The following GNB1L variants were observed in gnomAD, a reference collection of about 807,000 sequenced individuals.
GNB1L encodes the protein G protein subunit beta 1 like.
In GNB1L, 20 loss-of-function variants were observed where a neutral mutation model predicts 29.1. That is an observed-to-expected ratio of 0.69 (90% CI 0.48 to 1.00). The LOEUF is 1.00. GNB1L is among the 50% of genes least tolerant of loss of function. The pLI is 0.00. For missense variants in GNB1L, 421 were observed against 464.9 expected, an observed-to-expected ratio of 0.91 and a Z score of 0.87; for synonymous variants, 193 against 206.5, an observed-to-expected ratio of 0.93 and a Z score of 0.56.
chr22:19,851,518 A>C (rs1369074283), intron 2 of GNB1L: 1 of 1,614,096 alleles, frequency 6.2e-7, no homozygotes, highest in African/African-American at 1.3e-5. Flanking sequence ...TTCTAGATAC[A>C]GAGTTGGACC....
At chr22:19,832,856 C>T (rs1937702945) in intron 2 of GNB1L, among the ~76,000 whole-genome samples, 1 of 152,168 alleles carries the variant, frequency 6.6e-6, no homozygotes, top group Admixed American at 6.5e-5. Context: ...CAGGGCAGAC[C>T]CAAAGCAGCA....
intron 4 of GNB1L, among the ~76,000 whole-genome samples, chr22:19,812,661 A>C (rs1937510900): frequency 6.6e-6 from 1 of 152,196 alleles, no homozygotes; most frequent in African/African-American, 2.4e-5. Context: ...CAGGACATGC[A>C]GTGGATCAAG....
chr22:19,797,208 G>A (rs2269725), intron 7 of GNB1L, among the ~76,000 whole-genome samples: 17,396 of 152,096 alleles, frequency 0.11, 1,572 homozygotes, highest in East Asian at 0.45. Context: ...AAGAGGGAAC[G>A]CTCCCCACCA....
intron 2 of GNB1L, among the ~76,000 whole-genome samples, chr22:19,827,361 T>A (rs1051253279): frequency 6.6e-6 from 1 of 152,150 alleles, no homozygotes; most frequent in Non-Finnish European, 1.5e-5. Context: ...TGACCACAGG[T>A]GAAGGTGTAC....
intron 2 of GNB1L, chr22:19,850,214 G>C: frequency 4.1e-6 from 4 of 985,742 alleles, no homozygotes; most frequent in Non-Finnish European, 4.8e-6. Context: ...CTTGCTGGTA[G>C]GCAGCCACTG....
intron 2 of GNB1L, chr22:19,850,112 C>A: frequency 1.0e-6 from 1 of 985,460 alleles, no homozygotes; most frequent in Non-Finnish European, 1.2e-6. Flanking sequence ...GACCCTTGGA[C>A]CCTCAAAGCC....
chr22:19,809,448 C>T (rs1197132066), intron 5 of GNB1L, among the ~76,000 whole-genome samples: 1 of 152,234 alleles, frequency 6.6e-6, no homozygotes, highest in Non-Finnish European at 1.5e-5. Flanking sequence ...TGATCCAATT[C>T]TTCCAGTACA....
At chr22:19,848,878 A>T (rs1938027572) in intron 2 of GNB1L, 1 of 985,364 alleles carries the variant, frequency 1.0e-6, no homozygotes, top group Admixed American at 6.1e-5. Context: ...CCTGTCCAGA[A>T]GCCTGTGGGA....
At position 19,806,692 on chromosome 22, in the gene GNB1L, C is replaced by T. The variant is rs761226341; in HGVS notation, c.483G>A (p.Lys161=). 1.2e-6 allele frequency: 2 copies of T among 1,613,458 alleles called. No homozygotes were observed. The highest frequency in any genetic ancestry group is 1.7e-6 in the Non-Finnish European group (2 of 1,179,800). Reference sequence around the variant, plus strand: ...GCCGCAGGCACATGGGCATGCCCAGCTTGGCATCTGCCTTCGGCTTCAGGG... The same window carrying T: ...GCCGCAGGCACATGGGCATGCCCAGTTTGGCATCTGCCTTCGGCTTCAGGG... The part of the protein sequence containing the change: ...VCALKPKADA[K]LGMPMCLRLW... The change falls in exon 6 of 8, where the codon AAG becomes AAA. Residue 161 remains lysine, a synonymous_variant. Transcript: ENST00000329517.
intron 2 of GNB1L, among the ~76,000 whole-genome samples, chr22:19,845,548 C>T (rs1937942381): frequency 6.6e-6 from 1 of 152,256 alleles, no homozygotes; most frequent in African/African-American, 2.4e-5. Flanking sequence ...GAGCACCCAT[C>T]ATCCACAGGC....
Position 19,801,982 on chromosome 22 carries a change from C to A in GNB1L, c.732+19G>T. The A allele has an allele frequency of 6.4e-7, 1 of 1,550,616 alleles. No homozygotes were observed. The highest frequency in any genetic ancestry group is 2.4e-5 in the East Asian group (1 of 41,618). ...AGTGCAGAGCAGGATAAATGAGACC[C>A]GGGGCCTGGCGCACTGACCTGCAGG... On this transcript the variant is annotated intron_variant, in intron 7 of 7. Coordinates refer to ENST00000329517, the MANE Select transcript of GNB1L (RefSeq NM_053004.3).
chr22:19,848,786 A>G (rs971993185), intron 2 of GNB1L: 2 of 985,470 alleles, frequency 2.0e-6, no homozygotes, highest in South Asian at 9.4e-5. Flanking sequence ...AAGCCCCAAT[A>G]GGACAGGGTT....
Position 19,783,292 on chromosome 22 carries a change from C to A in GNB1L, c.*5417G>T. 1 of 453,072 alleles carries A rather than the reference C, an allele frequency of 2.2e-6. No individual in the cohort carries two copies. The allele number at this position is 453,072 out of a possible 1,614,324, so 28.1% of individuals were successfully genotyped here. On this transcript the variant is annotated 3_prime_UTR_variant, in exon 8 of 8. Transcript: ENST00000329517. ...AGGATGAGGCCAAATGACTCGATTT[C>A]TCTACACCCCACATTTTACAGGTTT...
chr22:19,835,460 A>C (rs898602575), intron 2 of GNB1L, among the ~76,000 whole-genome samples: 1 of 152,010 alleles, frequency 6.6e-6, no homozygotes. Flanking sequence ...CAGGCAGATC[A>C]CGAGGTCAGG....
Position 19,837,286 on chromosome 22 carries a change from A to C in GNB1L, c.-20-15911T>G, listed in dbSNP as rs188995502. ...CGGCCTGAAAAGAGATTATTAAGAA[A>C]ATGAAAAGACAATCTATACAGATGG... On this transcript the variant is annotated intron_variant, in intron 2 of 7. Transcript: ENST00000329517. Among the ~76,000 whole-genome samples the C allele has an allele frequency of 2.0e-5, 3 of 152,334 alleles. No homozygotes were observed. The East Asian group carries it at 5.8e-4, about 29-fold the overall frequency.
At chr22:19,839,349 T>G (rs1937818273) in intron 2 of GNB1L, among the ~76,000 whole-genome samples, 1 of 152,144 alleles carries the variant, frequency 6.6e-6, no homozygotes, top group Admixed American at 6.5e-5. Context: ...GGGATACTTT[T>G]CAAGACCCCC....
chr22:19,826,058 C>T (rs550573995), intron 2 of GNB1L, among the ~76,000 whole-genome samples: 9 of 152,362 alleles, frequency 5.9e-5, no homozygotes, highest in African/African-American at 2.2e-4. Flanking sequence ...AAAGTGCAGC[C>T]TCGGGAGACC....
intron 2 of GNB1L, among the ~76,000 whole-genome samples, chr22:19,841,828 G>A (rs1177032595): frequency 1.3e-5 from 2 of 152,142 alleles, no homozygotes; most frequent in African/African-American, 2.4e-5. Context: ...GGTGTCCCCA[G>A]CCAGCTGGGG....
At chr22:19,841,705 A>T (rs150028615) in intron 2 of GNB1L, among the ~76,000 whole-genome samples, 2 of 152,158 alleles carry the variant, frequency 1.3e-5, no homozygotes, top group African/African-American at 4.8e-5. Flanking sequence ...ATAATTTACT[A>T]TCTTATTTTT....
Sources: allele counts gnomAD v4.1 joint callset (sites outside exome capture counted in the v4.1 genomes callset), GRCh38; gene constraint gnomAD v4.1.1; transcripts MANE v1.5; gene names NCBI Gene and HGNC (gene_info 2026-07-23, HGNC 2026-07-21).